The following DLGAP1 variants were observed in gnomAD, a reference collection of about 807,000 sequenced individuals.
DLGAP1 encodes DLG associated protein 1, also known as disks large-associated protein 1.
A neutral mutation model predicts 90.8 loss-of-function variants in DLGAP1; 11 were observed. The observed-to-expected ratio is 0.12, with a 90% CI of 0.08 to 0.20. The LOEUF is 0.20. Ranked by LOEUF, DLGAP1 falls within the 10% of genes least tolerant of loss-of-function variation. The pLI is 1.00. For synonymous variants in DLGAP1, 558 were observed against 540.7 expected, an observed-to-expected ratio of 1.03 and a Z score of -0.44; for missense variants, 1,050 against 1,333.8, an observed-to-expected ratio of 0.79 and a Z score of 3.31.
chr18:3,868,817 A>C (rs2070564708), intron 4 of DLGAP1, among the ~76,000 whole-genome samples: 1 of 152,178 alleles, frequency 6.6e-6, no homozygotes, highest in Non-Finnish European at 1.5e-5. Context: ...ATCTGGCTTC[A>C]GTGTTTACTT....
intron 1 of DLGAP1, among the ~76,000 whole-genome samples, chr18:4,265,928 T>G (rs1014299180): frequency 1.5e-4 from 22 of 151,560 alleles, no homozygotes; most frequent in Non-Finnish European, 2.9e-5. Flanking sequence ...GCTCAAGCGA[T>G]CCTCCCTCCT....
chr18:3,844,258 T>C (rs1367530932), intron 4 of DLGAP1, among the ~76,000 whole-genome samples: 1 of 152,266 alleles, frequency 6.6e-6, no homozygotes, highest in Non-Finnish European at 1.5e-5. Context: ...CTAAAGTCTC[T>C]GATTTTTCAG....
intron 3 of DLGAP1, chr18:3,895,631 T>C (rs2071603448): frequency 6.6e-6 from 1 of 152,256 alleles, no homozygotes; most frequent in Non-Finnish European, 1.5e-5. Flanking sequence ...AATTTATAAG[T>C]AAAATGACTA....
At chr18:4,114,102 ATT>A in intron 2 of DLGAP1, among the ~76,000 whole-genome samples, 1 of 126,214 alleles carries the variant, frequency 7.9e-6, no homozygotes, top group African/African-American at 2.9e-5. Flanking sequence ...GCTTTGGATA[ATT>A]TTTTTTTTGG....
At chr18:4,416,415 ATGAAAAATAAAGG>A (rs757126115) in intron 1 of DLGAP1, among the ~76,000 whole-genome samples, 8 of 152,050 alleles carry the variant, frequency 5.3e-5, no homozygotes, top group Non-Finnish European at 7.4e-5. Context: ...CCTTTTATTC[ATGAAAAATAAAGG>A]AATTACAGGT....
At chr18:3,928,215 TACA>T (rs1254714057) in intron 3 of DLGAP1, among the ~76,000 whole-genome samples, 3 of 152,242 alleles carry the variant, frequency 2.0e-5, no homozygotes, top group African/African-American at 2.4e-5. Flanking sequence ...CTCATCTGAC[TACA>T]ACAACACACT....
At chr18:3,974,223 CA>C (rs1305905768) in intron 3 of DLGAP1, among the ~76,000 whole-genome samples, 1 of 152,030 alleles carries the variant, frequency 6.6e-6, no homozygotes, top group Non-Finnish European at 1.5e-5. Context: ...CACAGGTGCC[CA>C]CCACGACACC....
intron 7 of DLGAP1, among the ~76,000 whole-genome samples, chr18:3,705,745 G>C (rs2061411730): frequency 6.6e-6 from 1 of 151,460 alleles, no homozygotes; most frequent in African/African-American, 2.4e-5. Flanking sequence ...TACAACCTCT[G>C]CCTCCTGGGT....
intron 3 of DLGAP1, among the ~76,000 whole-genome samples, chr18:3,900,991 CG>C (rs1271124774): frequency 6.6e-6 from 1 of 151,956 alleles, no homozygotes; most frequent in Non-Finnish European, 1.5e-5. Context: ...CTGCACAAAA[CG>C]GTCTCTATTC....
intron 3 of DLGAP1, among the ~76,000 whole-genome samples, chr18:3,989,584 T>C (rs1271203961): frequency 6.6e-6 from 1 of 152,024 alleles, no homozygotes; most frequent in Non-Finnish European, 1.5e-5. Flanking sequence ...TTTGTGTTAA[T>C]GATCCCCCAA....
chr18:3,860,718 G>A (rs2069997053), intron 4 of DLGAP1, among the ~76,000 whole-genome samples: 1 of 152,152 alleles, frequency 6.6e-6, no homozygotes, highest in Non-Finnish European at 1.5e-5. Context: ...CCTTGAATTT[G>A]TGACGTTTCA....
chr18:3,714,318 T>C (rs1272357355), intron 7 of DLGAP1, among the ~76,000 whole-genome samples: 1 of 148,028 alleles, frequency 6.8e-6, no homozygotes, highest in African/African-American at 2.5e-5. Context: ...ACAAACTACA[T>C]GCTGTTTTGA....
chr18:3,823,164 A>C (rs1485527208), intron 4 of DLGAP1, among the ~76,000 whole-genome samples: 1 of 152,200 alleles, frequency 6.6e-6, no homozygotes, highest in Non-Finnish European at 1.5e-5. Flanking sequence ...CATGTATTTC[A>C]GGAGTAGCCC....
At chr18:4,348,458 A>G (rs1205114802) in intron 1 of DLGAP1, among the ~76,000 whole-genome samples, 1 of 132,098 alleles carries the variant, frequency 7.6e-6, no homozygotes, top group Non-Finnish European at 1.7e-5. Context: ...ACTGACATAA[A>G]GTAGAGATGT....
intron 1 of DLGAP1, among the ~76,000 whole-genome samples, chr18:4,267,938 G>A (rs1411548166): frequency 1.3e-5 from 2 of 152,208 alleles, no homozygotes; most frequent in Non-Finnish European, 2.9e-5. Context: ...CCAAATCTTG[G>A]AAGGGACATA....
intron 10 of DLGAP1, among the ~76,000 whole-genome samples, chr18:3,532,093 G>A (rs541240182): frequency 1.3e-4 from 19 of 151,838 alleles, no homozygotes; most frequent in East Asian, 1.2e-3. Flanking sequence ...GACCTCAAGC[G>A]ATCCTCCTGC....
At chr18:3,825,268 T>A (rs1308036927) in intron 4 of DLGAP1, among the ~76,000 whole-genome samples, 1 of 152,232 alleles carries the variant, frequency 6.6e-6, no homozygotes, top group African/African-American at 2.4e-5. Flanking sequence ...CTTCTGTGAC[T>A]TTATCAAAAT....
chr18:3,626,519 G>C (rs565222642), intron 7 of DLGAP1, among the ~76,000 whole-genome samples: 2 of 150,188 alleles, frequency 1.3e-5, no homozygotes, highest in Non-Finnish European at 1.5e-5. Flanking sequence ...ACTTGAATGT[G>C]GGGGGTCAAG....
At chr18:3,920,376 A>G (rs2072243472) in intron 3 of DLGAP1, among the ~76,000 whole-genome samples, 1 of 143,312 alleles carries the variant, frequency 7.0e-6, no homozygotes, top group South Asian at 2.3e-4. Flanking sequence ...AAAAAAAAGC[A>G]CTGGGTATTT....
Sources: gnomAD v4.1 joint callset for allele counts (sites outside exome capture counted in the v4.1 genomes callset) on GRCh38, gnomAD v4.1.1 for gene constraint, MANE v1.5 for transcripts, NCBI Gene and HGNC (gene_info 2026-07-23, HGNC 2026-07-21) for gene names.